The following ST8SIA6 variants were observed in gnomAD, a reference collection of about 807,000 sequenced individuals.
ST8SIA6 encodes the protein alpha-2,8-sialyltransferase 8F.
A neutral mutation model predicts 33.6 loss-of-function variants in ST8SIA6; 39 were observed. The ratio of observed to expected loss-of-function variants is 1.16; its 90% CI spans 0.90 to 1.52. The LOEUF is 1.52. ST8SIA6 is among the 40% of genes most tolerant of loss of function. The pLI, the probability that ST8SIA6 is intolerant of heterozygous loss-of-function variation, is 0.00. For synonymous variants in ST8SIA6, 172 were observed against 167.2 expected (o/e 1.03, Z -0.22); for missense variants, 441 against 443.8 (o/e 0.99, Z 0.06).
At chr10:17,419,008 A>G (rs1370571376) in intron 2 of ST8SIA6, among the ~76,000 whole-genome samples, 3 of 151,466 alleles carry the variant, frequency 2.0e-5, no homozygotes, top group South Asian at 2.1e-4. Context: ...AAAAAAAAAA[A>G]AAAAAAAGAA....
At chr10:17,362,634 G>A (rs1043652182) in intron 3 of ST8SIA6, among the ~76,000 whole-genome samples, 1 of 152,046 alleles carries the variant, frequency 6.6e-6, no homozygotes, top group African/African-American at 2.4e-5. Flanking sequence ...TTCCCCTCAG[G>A]ACTTTGAGGA....
intron 4 of ST8SIA6, among the ~76,000 whole-genome samples, chr10:17,347,600 G>C (rs534799199): frequency 6.6e-6 from 1 of 152,116 alleles, no homozygotes; most frequent in Non-Finnish European, 1.5e-5. Context: ...GCACCCATCC[G>C]GCTGCCTTCA....
chr10:17,342,202 T>G (rs1248892171), intron 4 of ST8SIA6, among the ~76,000 whole-genome samples: 1 of 152,104 alleles, frequency 6.6e-6, no homozygotes, highest in Non-Finnish European at 1.5e-5. Context: ...TATTACAATT[T>G]GCAAAGTATT....
chr10:17,425,729 A>G (rs899137895), intron 2 of ST8SIA6, among the ~76,000 whole-genome samples: 4 of 142,168 alleles, frequency 2.8e-5, no homozygotes, highest in Non-Finnish European at 6.2e-5. Flanking sequence ...GGAAGGAAGG[A>G]GGAAGGAAGG....
At chr10:17,329,327 C>T (rs1021395810) in intron 5 of ST8SIA6, among the ~76,000 whole-genome samples, 1 of 152,132 alleles carries the variant, frequency 6.6e-6, no homozygotes, top group Non-Finnish European at 1.5e-5. Flanking sequence ...GGATAGGAAC[C>T]CAGGCGGTTT....
intron 4 of ST8SIA6, among the ~76,000 whole-genome samples, chr10:17,339,783 C>A (rs767313329): frequency 2.0e-5 from 3 of 152,100 alleles, no homozygotes; most frequent in Non-Finnish European, 4.4e-5. Flanking sequence ...AATTAATATT[C>A]TCATTTTATA....
Position 17,390,588 on chromosome 10 carries a change from G to A in ST8SIA6, c.233C>T (p.Thr78Met), listed in dbSNP as rs146575804. The change falls in exon 3 of 8, where the codon ACG becomes ATG. Residue 78 changes from threonine to methionine, a missense_variant. Transcript: ENST00000377602. The part of the protein sequence containing the change: ...TYLNEKSLQL[T>M]EKCKNLQYGI... ...ATATTGCAGATTTTTGCATTTCTCCGTCAGTTGGAGCGACTTCTCATTCAG... is the reference window on the plus strand; with the variant it reads ...ATATTGCAGATTTTTGCATTTCTCCATCAGTTGGAGCGACTTCTCATTCAG... 1.3e-5 allele frequency: 21 copies of A among 1,613,742 alleles called. No homozygotes were observed. The highest frequency in any genetic ancestry group is 6.7e-5 in the East Asian group (3 of 44,880).
intron 2 of ST8SIA6, among the ~76,000 whole-genome samples, chr10:17,402,681 A>G (rs1851092532): frequency 6.6e-6 from 1 of 152,016 alleles, no homozygotes; most frequent in African/African-American, 2.4e-5. Flanking sequence ...AGAACAAAAA[A>G]CCAAACACCG....
chr10:17,352,232 T>A (rs1408413376), intron 4 of ST8SIA6, among the ~76,000 whole-genome samples: 1 of 152,136 alleles, frequency 6.6e-6, no homozygotes, highest in Non-Finnish European at 1.5e-5. Flanking sequence ...AAGTCCAAAT[T>A]CAATCAGCAA....
chr10:17,326,811 A>G (rs1417349820), intron 6 of ST8SIA6, among the ~76,000 whole-genome samples: 1 of 152,172 alleles, frequency 6.6e-6, no homozygotes, highest in Non-Finnish European at 1.5e-5. Flanking sequence ...ATATATAAAC[A>G]TAGCACATTT....
chr10:17,431,288 A>G (rs1384124469), intron 2 of ST8SIA6, among the ~76,000 whole-genome samples: 1 of 152,212 alleles, frequency 6.6e-6, no homozygotes, highest in African/African-American at 2.4e-5. Context: ...TAAGGGAAAG[A>G]AAGTCAGGGC....
intron 3 of ST8SIA6, among the ~76,000 whole-genome samples, chr10:17,365,087 G>A (rs749233767): frequency 3.5e-4 from 53 of 152,114 alleles, no homozygotes; most frequent in Non-Finnish European, 5.4e-4. Context: ...CATCAGAAAT[G>A]TTTTCTGTCC....
At chr10:17,327,616 A>C (rs1052162702) in intron 5 of ST8SIA6, among the ~76,000 whole-genome samples, 1 of 151,184 alleles carries the variant, frequency 6.6e-6, no homozygotes, top group Non-Finnish European at 1.5e-5. Context: ...ACAACAACAA[A>C]AAACCAGCCA....
At chr10:17,326,006 T>C (rs1055263792) in intron 6 of ST8SIA6, among the ~76,000 whole-genome samples, 1 of 152,212 alleles carries the variant, frequency 6.6e-6, no homozygotes, top group African/African-American at 2.4e-5. Flanking sequence ...CTTATGGCTT[T>C]TTCACACTGG....
In ST8SIA6 at chr10:17,320,506, C is replaced by G. The variant is rs1023630127; in HGVS notation, c.*372G>C. 2 of 190,892 alleles carry G rather than the reference C, an allele frequency of 1.0e-5. No homozygotes were observed. Among genetic ancestry groups the G allele is most frequent in the African/African-American group, 4.7e-5 (2 of 42,242 alleles). The allele number at this position is 190,892 out of a possible 1,614,324, so 11.8% of individuals were successfully genotyped here. The stretch of plus-strand genomic sequence containing the variant: ...AATGGATACTGGTAATGCAGCTATT[C>G]TCTTTAGAAGAGATCTCCAAGAAAG... On this transcript the variant is annotated 3_prime_UTR_variant, in exon 8 of 8. Coordinates refer to ENST00000377602, the MANE Select transcript of ST8SIA6 (RefSeq NM_001004470.3).
intron 4 of ST8SIA6, among the ~76,000 whole-genome samples, chr10:17,351,409 T>TA (rs1383028527): frequency 8.0e-5 from 12 of 149,330 alleles, no homozygotes; most frequent in East Asian, 7.8e-4. Context: ...AGGATAAAAG[T>TA]AAAAAAAAAT....
intron 2 of ST8SIA6, among the ~76,000 whole-genome samples, chr10:17,439,770 C>A (rs1401475975): frequency 1.3e-5 from 2 of 152,192 alleles, no homozygotes; most frequent in Non-Finnish European, 2.9e-5. Flanking sequence ...GACTCCCAGG[C>A]CAACGGCATG....
intron 3 of ST8SIA6, among the ~76,000 whole-genome samples, chr10:17,365,531 C>A (rs749093616): frequency 7.2e-5 from 11 of 152,158 alleles, no homozygotes; most frequent in Non-Finnish European, 1.3e-4. Flanking sequence ...CTCACATCAT[C>A]CTGCTCCATC....
intron 4 of ST8SIA6, among the ~76,000 whole-genome samples, chr10:17,340,874 T>C (rs868617858): frequency 4.6e-5 from 7 of 152,222 alleles, no homozygotes; most frequent in Non-Finnish European, 7.3e-5. Context: ...TGTAGAAGAC[T>C]TACCCCCTGC....
Sources: gnomAD v4.1 joint callset for allele counts (sites outside exome capture counted in the v4.1 genomes callset) on GRCh38, gnomAD v4.1.1 for gene constraint, MANE v1.5 for transcripts, NCBI Gene and HGNC (gene_info 2026-07-23, HGNC 2026-07-21) for gene names.